Variants in TAGLN2 observed in about 807,000 individuals in gnomAD.
The protein encoded by TAGLN2 is transgelin 2.
In TAGLN2, 14 loss-of-function variants were observed where a neutral mutation model predicts 24.9. The ratio of observed to expected loss-of-function variants is 0.56; its 90% CI spans 0.37 to 0.88. TAGLN2 has a LOEUF of 0.88. Among genes scored for constraint, TAGLN2 ranks in the 40% least tolerant of loss-of-function variants. The pLI, the probability that TAGLN2 is intolerant of heterozygous loss-of-function variation, is 0.00. For missense variants in TAGLN2, 208 were observed against 258.9 expected (o/e 0.80, Z 1.35); for synonymous variants, 77 against 98.2 (o/e 0.78, Z 1.28).
chr1:159,923,662 G>A, intron 1 of TAGLN2: 1 of 503,766 alleles, frequency 2.0e-6, no homozygotes, highest in Non-Finnish European at 3.4e-6. Flanking sequence ...CCAGCAGCAA[G>A]GATGGGGGGC....
chr1:159,925,126 A>G (rs527324031), intron 1 of TAGLN2: 3 of 152,298 alleles, frequency 2.0e-5, no homozygotes, highest in Admixed American at 6.5e-5. Flanking sequence ...CAGCCAGCTA[A>G]AGTCCGACGC....
Position 159,918,792 on chromosome 1 carries a change from G to A in TAGLN2, c.*8C>T, listed in dbSNP as rs1557924076. The A allele has an allele frequency of 1.2e-6, 2 of 1,613,864 alleles. No homozygotes were observed. The highest frequency in any genetic ancestry group is 2.2e-5 in the East Asian group (1 of 44,882). The stretch of plus-strand genomic sequence containing the variant: ...CGTGGGAGGGCAGGGGCAAGGCCTG[G>A]GGTGGGATCAGAGGATCTGGCGTGG... On this transcript the variant is annotated 3_prime_UTR_variant, in exon 5 of 5. Coordinates refer to ENST00000368097, the MANE Select transcript of TAGLN2 (RefSeq NM_003564.3).
chr1:159,922,887 G>A (rs1031293739), intron 1 of TAGLN2, among the ~76,000 whole-genome samples: 1 of 152,174 alleles, frequency 6.6e-6, no homozygotes, highest in Non-Finnish European at 1.5e-5. Context: ...CCCCTCCACC[G>A]CCCAACGCTG....
chr1:159,920,778 C>T (rs946125971), intron 1 of TAGLN2, among the ~76,000 whole-genome samples: 5 of 152,200 alleles, frequency 3.3e-5, no homozygotes, highest in African/African-American at 9.7e-5. Context: ...CCTCCCTCAA[C>T]CTCTGGGTTT....
At chr1:159,919,243 T>C (rs753583684) in intron 4 of TAGLN2, 31 bp downstream of exon 4, 1 of 1,595,516 alleles carries the variant, frequency 6.3e-7, no homozygotes, top group East Asian at 2.2e-5. Context: ...ATGCACCTGC[T>C]GGACCCTGCG....
At chr1:159,920,845 C>T (rs888019025) in intron 1 of TAGLN2, among the ~76,000 whole-genome samples, 1 of 152,146 alleles carries the variant, frequency 6.6e-6, no homozygotes, top group African/African-American at 2.4e-5. Context: ...TTTAATTGAG[C>T]ACCTACTATC....
chr1:159,922,661 G>C (rs61823219), intron 1 of TAGLN2, among the ~76,000 whole-genome samples: 4 of 152,332 alleles, frequency 2.6e-5, no homozygotes, highest in African/African-American at 9.6e-5. Context: ...GAGTGGCTGT[G>C]CTCAGGGCTG....
At chr1:159,923,464 C>A (rs536296341) in intron 1 of TAGLN2, 310 of 1,549,606 alleles carry the variant, frequency 2.0e-4, no homozygotes, top group Non-Finnish European at 2.6e-4. Context: ...AAAGAAAAGG[C>A]GGACATGGGT....
intron 1 of TAGLN2, chr1:159,923,531 G>C: frequency 6.6e-7 from 1 of 1,511,950 alleles, no homozygotes; most frequent in Non-Finnish European, 8.9e-7. Context: ...GAAGACAAAG[G>C]GACTCTCCAT....
chr1:159,920,968 A>C (rs1571203100), intron 1 of TAGLN2, among the ~76,000 whole-genome samples: 1 of 152,230 alleles, frequency 6.6e-6, no homozygotes, highest in African/African-American at 2.4e-5. Flanking sequence ...CACACAAAGA[A>C]TACTAAAGTG....
At chr1:159,920,243 TCTC>T (rs753861456) in intron 2 of TAGLN2, 84 bp downstream of exon 2, 13 of 1,602,080 alleles carry the variant, frequency 8.1e-6, no homozygotes, top group Middle Eastern at 1.7e-4. Context: ...CCTTCAGTCT[TCTC>T]CTCTTCAGGT....
rs1411754598 is a variant in TAGLN2 at position 159,919,758 on chromosome 1, G to A, written c.258C>T (p.Ala86=). ...PVKKIQASTM[A]FKQMEQISQF... is the part of the protein sequence containing the mutation. ...GAGAGATCTGCTCCATCTGCTTGAAGGCCATGGTGGAGGCCTGGATCTTCT... is the reference window on the plus strand; with the variant it reads ...GAGAGATCTGCTCCATCTGCTTGAAAGCCATGGTGGAGGCCTGGATCTTCT... Residue 86 remains alanine, a synonymous_variant, in exon 3 of 5, where the codon GCC becomes GCT. Coordinates refer to ENST00000368097, the MANE Select transcript of TAGLN2 (RefSeq NM_003564.3). 6 of 1,613,922 alleles carry A rather than the reference G, an allele frequency of 3.7e-6. No individual in the cohort carries two copies. Among genetic ancestry groups the A allele is most frequent in the Non-Finnish European group, 5.1e-6 (6 of 1,179,968 alleles).
intron 1 of TAGLN2, chr1:159,923,630 C>A: frequency 1.5e-6 from 1 of 656,498 alleles, no homozygotes; most frequent in South Asian, 2.8e-5. Flanking sequence ...AGGGCACCAG[C>A]CCACAGAGCG....
intron 1 of TAGLN2, among the ~76,000 whole-genome samples, chr1:159,922,406 C>G (rs181211582): frequency 6.6e-6 from 1 of 152,188 alleles, no homozygotes; most frequent in African/African-American, 2.4e-5. Flanking sequence ...GTCTGGGCCC[C>G]GACCCACAGC....
At chr1:159,921,550 T>C (rs904399530) in intron 1 of TAGLN2, among the ~76,000 whole-genome samples, 4 of 152,200 alleles carry the variant, frequency 2.6e-5, no homozygotes, top group African/African-American at 9.7e-5. Flanking sequence ...GTTGAGTCTG[T>C]AGAACTGTAA....
intron 1 of TAGLN2, 101 bp from the exon 2 acceptor site, chr1:159,920,638 C>A (rs547809316): frequency 1.3e-6 from 2 of 1,486,072 alleles, no homozygotes; most frequent in Admixed American, 2.3e-5. Flanking sequence ...ATTTCCCCCA[C>A]GGTGAGCCCC....
At chr1:159,921,920 C>A (rs1650543904) in intron 1 of TAGLN2, among the ~76,000 whole-genome samples, 1 of 152,256 alleles carries the variant, frequency 6.6e-6, no homozygotes, top group Non-Finnish European at 1.5e-5. Flanking sequence ...TGTCCCATCC[C>A]CACCCTGGTT....
At chr1:159,919,428 G>T (rs956248832) in intron 3 of TAGLN2, 52 bp from the exon 4 acceptor site, 5 of 1,575,566 alleles carry the variant, frequency 3.2e-6, no homozygotes, top group Admixed American at 1.7e-5. Flanking sequence ...TAGATACCAG[G>T]GTTCCGCCTC....
At chr1:159,919,174 T>C in intron 4 of TAGLN2, 100 bp downstream of exon 4, 1 of 1,348,656 alleles carries the variant, frequency 7.4e-7, no homozygotes, top group Non-Finnish European at 1.1e-6. Flanking sequence ...AAGTGCTTTG[T>C]AAAGGGCCAG....
Sources: allele counts gnomAD v4.1 joint callset (sites outside exome capture counted in the v4.1 genomes callset), GRCh38; gene constraint gnomAD v4.1.1; transcripts MANE v1.5; gene names NCBI Gene and HGNC (gene_info 2026-07-23, HGNC 2026-07-21).